Variants in CLK1 observed in about 807,000 individuals in gnomAD.
CLK1 encodes the protein dual specificity protein kinase CLK1.
CLK1 carries 40 observed loss-of-function variants against 60.9 expected under a neutral mutation model. The ratio of observed to expected loss-of-function variants is 0.66; its 90% CI spans 0.51 to 0.86. The LOEUF is 0.86. Ranked by LOEUF, CLK1 falls within the 40% of genes least tolerant of loss-of-function variation. The pLI is 0.00. For synonymous variants in CLK1, 203 were observed against 184.4 expected (o/e 1.10, Z -0.82); for missense variants, 563 against 606.1 (o/e 0.93, Z 0.75).
At position 200,855,012 on chromosome 2, in the gene CLK1, C is replaced by T. The variant is rs764435537; in HGVS notation, c.1132G>A (p.Val378Ile). ...AGATCATTGTCACTTACTGGAAATA[C>T]GGTAAACCCAAGATAGTATTCAATA... ...ILIEYYLGFTVFPTHDSKEHL... is the reference protein window; with the variant it reads ...ILIEYYLGFTIFPTHDSKEHL... Residue 378 changes from valine to isoleucine, a missense_variant, in exon 10 of 13, where the codon GTA becomes ATA. Physicochemically the swap from Val to Ile is conservative, Grantham distance 29. Around this residue, in one of 3 missense-constraint regions of CLK1, gnomAD observed 360 missense variants for 407.0 expected, o/e 0.88. Transcript: ENST00000321356. The T allele has an allele frequency of 6.2e-6, 10 of 1,610,588 alleles. No homozygotes were observed. The highest frequency in any genetic ancestry group is 1.7e-4 in the Middle Eastern group (1 of 6,052).
intron 12 of CLK1, among the ~76,000 whole-genome samples, chr2:200,853,679 G>GAAGAA: frequency 2.0e-5 from 1 of 49,130 alleles, no homozygotes; most frequent in East Asian, 7.4e-4. Context: ...GTCTTTACTT[G>GAAGAA]AAAAAAAAAA....
chr2:200,861,359 T>C lies in CLK1; in HGVS notation c.269A>G (p.Gln90Arg). The C allele has an allele frequency of 6.2e-7, 1 of 1,614,210 alleles. No individual in the cohort carries two copies. ...YTQGCEPGHR[Q>R]RDHESRYQNH... ...CTGATACCGGCTTTCATGGTCTCTT[T>C]GGCGATGTCCAGGTTCACATCCTTG... The change falls in exon 3 of 13, where the codon CAA becomes CGA. Residue 90 changes from glutamine to arginine, a missense_variant. Physicochemically the swap from Gln to Arg is conservative, Grantham distance 43 (BLOSUM62 1). Around this residue, in one of 3 missense-constraint regions of CLK1, gnomAD observed 198 missense variants for 179.2 expected, o/e 1.10. Transcript: ENST00000321356.
chr2:200,856,851 T>C (rs2039051925), intron 8 of CLK1, 40 bp from the exon 9 acceptor site: 1 of 1,613,454 alleles, frequency 6.2e-7, no homozygotes, highest in African/African-American at 1.3e-5. Flanking sequence ...CATAAGCTAT[T>C]AAGGCATAAG....
At chr2:200,854,207 G>A (rs1003447410) in intron 11 of CLK1, 10 of 429,518 alleles carry the variant, frequency 2.3e-5, no homozygotes, top group East Asian at 2.1e-4. Context: ...CCTAATCAGC[G>A]CCTGAGACTT....
chr2:200,864,120 C>A, intron 1 of CLK1: 1 of 1,551,124 alleles, frequency 6.4e-7, no homozygotes, highest in Non-Finnish European at 8.7e-7. Flanking sequence ...CGTTTCCCCA[C>A]AGCTGCTTGG....
At chr2:200,864,346 C>T (rs916814340) in intron 1 of CLK1, 3 of 1,296,430 alleles carry the variant, frequency 2.3e-6, no homozygotes, top group Non-Finnish European at 3.0e-6. Flanking sequence ...TAGCAAACAC[C>T]GTAACTACCC....
chr2:200,855,153 G>C (rs2105734676), intron 9 of CLK1, 67 bp from the exon 10 acceptor site: 1 of 1,189,434 alleles, frequency 8.4e-7, no homozygotes, highest in East Asian at 2.4e-5. Context: ...TAAAAAGTTA[G>C]TTAACACTAA....
At chr2:200,858,216 T>C (rs2039075591) in intron 5 of CLK1, 127 bp from the exon 6 acceptor site, 6 of 720,642 alleles carry the variant, frequency 8.3e-6, no homozygotes, top group African/African-American at 3.5e-5. Flanking sequence ...TAGTGTTCAG[T>C]TCTGATTCTA....
chr2:200,858,394 A>T (rs1405314214), intron 5 of CLK1, among the ~76,000 whole-genome samples: 5 of 152,180 alleles, frequency 3.3e-5, no homozygotes, highest in Non-Finnish European at 7.3e-5. Flanking sequence ...TACAGTGGGG[A>T]AAGAGTAAAG....
At chr2:200,856,865 C>T (rs878911796) in intron 8 of CLK1, 26 bp downstream of exon 8, 1 of 1,613,780 alleles carries the variant, frequency 6.2e-7, no homozygotes, top group Non-Finnish European at 8.5e-7. Context: ...GCATAAGATA[C>T]TTTATGAATA....
At chr2:200,864,233 G>A (rs2039191736) in intron 1 of CLK1, 1 of 1,543,338 alleles carries the variant, frequency 6.5e-7, no homozygotes, top group Non-Finnish European at 8.7e-7. Flanking sequence ...CCATCTTACA[G>A]CTCCGCCGAG....
At chr2:200,860,956 A>G (rs2039127400) in intron 3 of CLK1, 1 of 1,183,142 alleles carries the variant, frequency 8.5e-7, no homozygotes, top group Non-Finnish European at 1.0e-6. Flanking sequence ...CCCTTTTAGA[A>G]TATTTTGTAA....
intron 9 of CLK1, among the ~76,000 whole-genome samples, chr2:200,855,704 C>T (rs2039029357): frequency 6.6e-6 from 1 of 150,464 alleles, no homozygotes; most frequent in Non-Finnish European, 1.5e-5. Flanking sequence ...ATCACTTAAT[C>T]CAAGGTTAAA....
At chr2:200,854,039 TAA>T (rs1491155588) in intron 11 of CLK1, 46 bp from the exon 12 acceptor site, 7 of 1,308,402 alleles carry the variant, frequency 5.4e-6, no homozygotes, top group Non-Finnish European at 6.5e-6. Flanking sequence ...ACTGAAAACT[TAA>T]AACAGCTAGC....
chr2:200,862,634 C>T (rs920463841), intron 1 of CLK1, among the ~76,000 whole-genome samples: 2 of 152,224 alleles, frequency 1.3e-5, no homozygotes, highest in African/African-American at 4.8e-5. Flanking sequence ...ATGTTGCTCA[C>T]ACAAAGCCTG....
intron 3 of CLK1, 103 bp downstream of exon 3, chr2:200,861,135 G>A: frequency 6.6e-7 from 1 of 1,519,260 alleles, no homozygotes; most frequent in South Asian, 1.3e-5. Context: ...AAACTGAGAT[G>A]ATTTCATCTT....
chr2:200,859,686 T>A lies in CLK1; in HGVS notation c.542A>T (p.His181Leu), dbSNP rs2039102982. The A allele has an allele frequency of 6.2e-7, 1 of 1,612,848 alleles. No individual in the cohort carries two copies. ...AFGKVVECID[H>L]KAGGRHVAVK... ...CCCAACATGGGAAACTTACGCTTTATGATCGATGCACTCCACAACTTTTCC... is the reference window on the plus strand; with the variant it reads ...CCCAACATGGGAAACTTACGCTTTAAGATCGATGCACTCCACAACTTTTCC... Residue 181 changes from histidine to leucine, a missense_variant, in exon 5 of 13, where the codon CAT becomes CTT. Coordinates refer to ENST00000321356, the MANE Select transcript of CLK1 (RefSeq NM_004071.4).
chr2:200,858,299 A>T (rs985209348), intron 5 of CLK1: 1 of 559,976 alleles, frequency 1.8e-6, no homozygotes, highest in Non-Finnish European at 3.2e-6. Context: ...TATTTCAGCT[A>T]AACAACTTCT....
chr2:200,853,461 A>G lies in CLK1; in HGVS notation c.1312-12T>C. The G allele has an allele frequency of 1.2e-6, 2 of 1,601,424 alleles. No homozygotes were observed. The highest frequency in any genetic ancestry group is 2.2e-5 in the East Asian group (1 of 44,762). On this transcript the variant is annotated splice_polypyrimidine_tract_variant and intron_variant, in intron 12 of 12. Coordinates refer to ENST00000321356, the MANE Select transcript of CLK1 (RefSeq NM_004071.4). Reference sequence around the variant, plus strand: ...GAAAGCATAAATTCCTGGAAGAAAAAAAGAAATTCATTCAACAGCCTTTTC... The same window carrying G: ...GAAAGCATAAATTCCTGGAAGAAAAGAAGAAATTCATTCAACAGCCTTTTC...
Sources: allele counts gnomAD v4.1 joint callset (sites outside exome capture counted in the v4.1 genomes callset), GRCh38; gene constraint gnomAD v4.1.1; regional missense constraint gnomAD v4.1.1; transcripts MANE v1.5; gene names NCBI Gene and HGNC (gene_info 2026-07-23, HGNC 2026-07-21).